Variants in KIF24 observed in about 807,000 individuals in gnomAD.
The protein encoded by KIF24 is kinesin family member 24.
Under a neutral mutation model 118.9 loss-of-function variants are expected in KIF24, and 81 were observed. The ratio of observed to expected loss-of-function variants is 0.68; its 90% CI spans 0.57 to 0.82. KIF24 has a LOEUF of 0.82. Among genes scored for constraint, KIF24 ranks in the 40% least tolerant of loss-of-function variants. The pLI, the probability that KIF24 is intolerant of heterozygous loss-of-function variation, is 0.00. For synonymous variants in KIF24, 599 were observed against 610.0 expected (o/e 0.98, Z 0.27); for missense variants, 1,560 against 1,661.6 (o/e 0.94, Z 1.06).
chr9:34,267,570 C>A (rs1379707484), intron 8 of KIF24, among the ~76,000 whole-genome samples: 3 of 151,614 alleles, frequency 2.0e-5, no homozygotes. Context: ...ATAGTCATAT[C>A]TTTTTTTAAA....
rs149053044 is a variant in KIF24 at position 34,256,173 on chromosome 9, C to G, written c.3434G>C (p.Ser1145Thr). ...IRQHPADKLPSREADLGEACQ... is the reference protein window; with the variant it reads ...IRQHPADKLPTREADLGEACQ... ...GGCCTCTCCTAGGTCTGCCTCCCTG[C>G]TGGGCAGCTTGTCAGCTGGGTGCTG... The change falls in exon 11 of 13, where the codon AGC (serine) becomes ACC (threonine). Residue 1145 changes from serine to threonine, a missense_variant. Transcript: ENST00000402558. 185 of 1,603,522 alleles carry G rather than the reference C, an allele frequency of 1.2e-4. No individual in the cohort carries two copies. The highest frequency in any genetic ancestry group is 8.4e-5 in the Admixed American group (5 of 59,424).
intron 1 of KIF24, among the ~76,000 whole-genome samples, chr9:34,323,459 T>C (rs943504343): frequency 1.3e-5 from 2 of 152,220 alleles, no homozygotes; most frequent in Non-Finnish European, 2.9e-5. Context: ...TCTCTAAATA[T>C]AGACATTTAA....
intron 8 of KIF24, among the ~76,000 whole-genome samples, chr9:34,265,114 T>C (rs1835238182): frequency 1.3e-5 from 2 of 152,202 alleles, no homozygotes; most frequent in Admixed American, 1.3e-4. Context: ...ACTATACTTC[T>C]TTGAATGTGG....
chr9:34,312,494 A>G (rs1249327458), intron 1 of KIF24, among the ~76,000 whole-genome samples: 1 of 152,198 alleles, frequency 6.6e-6, no homozygotes, highest in African/African-American at 2.4e-5. Flanking sequence ...AAATTCAGTT[A>G]GGTAACTAGT....
At chr9:34,293,476 T>C (rs1169477058) in intron 4 of KIF24, among the ~76,000 whole-genome samples, 3 of 22,364 alleles carry the variant, frequency 1.3e-4, no homozygotes, top group Admixed American at 6.0e-4. Flanking sequence ...AGACTCTATC[T>C]CAAAAAAAAA....
At chr9:34,267,549 C>A (rs1308716915) in intron 8 of KIF24, among the ~76,000 whole-genome samples, 1 of 151,640 alleles carries the variant, frequency 6.6e-6, no homozygotes, top group Non-Finnish European at 1.5e-5. Context: ...ATATGTAATT[C>A]TAAATTTCTA....
chr9:34,284,980 C>G (rs911666176), intron 6 of KIF24, among the ~76,000 whole-genome samples: 1 of 152,006 alleles, frequency 6.6e-6, no homozygotes, highest in South Asian at 2.1e-4. Flanking sequence ...GAAGGTTCAA[C>G]AGAAATCTAT....
chr9:34,315,537 G>A (rs1837303224), intron 1 of KIF24, among the ~76,000 whole-genome samples: 1 of 152,056 alleles, frequency 6.6e-6, no homozygotes, highest in African/African-American at 2.4e-5. Context: ...CGGCATTTAT[G>A]ACATACATAC....
chr9:34,257,340 T>C lies in KIF24; in HGVS notation c.2267A>G (p.His756Arg), dbSNP rs1398588500. ...ASEAWTNIPP[H>R]QKEREEHLRF... ...CAGATGTTCCTCCCTCTCCTTCTGA[T>C]GTGGCGGGATGTTTGTCCAAGCTTC... Residue 756 changes from histidine to arginine, a missense_variant, in exon 11 of 13, where the codon CAT (histidine) becomes CGT (arginine). His to Arg is a conservative substitution (Grantham distance 29). Around this residue, in one of 3 missense-constraint regions of KIF24, gnomAD observed 964 missense variants for 988.0 expected, o/e 0.98. Coordinates refer to ENST00000402558, the MANE Select transcript of KIF24 (RefSeq NM_194313.4). 1 of 1,613,942 alleles carries C rather than the reference T, an allele frequency of 6.2e-7. No individual in the cohort carries two copies. The highest frequency in any genetic ancestry group is 1.3e-5 in the African/African-American group (1 of 74,950).
intron 4 of KIF24, 111 bp downstream of exon 4, chr9:34,296,906 A>G (rs1836504665): frequency 1.8e-6 from 1 of 555,698 alleles, no homozygotes; most frequent in Non-Finnish European, 3.2e-6. Context: ...TCAAAACACA[A>G]ATTCATGTTT....
chr9:34,257,826 T>C lies in KIF24; in HGVS notation c.1781A>G (p.Gln594Arg), dbSNP rs1834916120. The change falls in exon 11 of 13, where the codon CAG (glutamine) becomes CGG (arginine). Residue 594 changes from glutamine to arginine, a missense_variant. Physicochemically the swap from Gln to Arg is conservative, Grantham distance 43. Coordinates refer to ENST00000402558, the MANE Select transcript of KIF24 (RefSeq NM_194313.4). ...SPKKVKLGFQ[Q>R]SLTVAAPGST... ...ACCAGGGGCTGCCACTGTGAGTGACTGCTGAAATCCCAGCTTGACTTTTTT... is the reference window on the plus strand; with the variant it reads ...ACCAGGGGCTGCCACTGTGAGTGACCGCTGAAATCCCAGCTTGACTTTTTT... 6.2e-7 allele frequency: 1 copy of C among 1,613,928 alleles called. No individual in the cohort carries two copies. The highest frequency in any genetic ancestry group is 8.5e-7 in the Non-Finnish European group (1 of 1,179,900).
intron 4 of KIF24, among the ~76,000 whole-genome samples, chr9:34,291,727 T>C (rs1468336349): frequency 6.6e-6 from 1 of 152,174 alleles, no homozygotes; most frequent in Non-Finnish European, 1.5e-5. Context: ...AACATAATCT[T>C]AGAGCTGTTG....
At chr9:34,269,513 G>A (rs945615230) in intron 7 of KIF24, among the ~76,000 whole-genome samples, 151 bp from the exon 8 acceptor site, 8 of 152,000 alleles carry the variant, frequency 5.3e-5, no homozygotes, top group South Asian at 4.1e-4. Context: ...TCTGCCTCCC[G>A]GGTTCACGCC....
intron 6 of KIF24, among the ~76,000 whole-genome samples, chr9:34,283,966 G>C (rs1324419940): frequency 6.6e-6 from 1 of 152,162 alleles, no homozygotes; most frequent in Non-Finnish European, 1.5e-5. Flanking sequence ...CTGGGAAACA[G>C]TCGGCAGCAT....
In KIF24 at chr9:34,308,907, C is replaced by T. The variant is rs979521674; in HGVS notation, c.623+1817G>A. 4.6e-5 allele frequency among the ~76,000 whole-genome samples: 7 copies of T among 151,842 alleles called. No homozygotes were observed. The East Asian group carries it at 1.4e-3, about 29-fold the overall frequency. ...CCAGCCTGGGTAACATAGTGAGATC[C>T]CCAACTCTACAAAAAATTGAAAAAT... On this transcript the variant is annotated intron_variant, in intron 2 of 12. Transcript: ENST00000402558.
chr9:34,311,795 C>T (rs971721137), intron 1 of KIF24, among the ~76,000 whole-genome samples: 2 of 128,024 alleles, frequency 1.6e-5, no homozygotes, highest in African/African-American at 5.8e-5. Flanking sequence ...TATACACACA[C>T]ATATATATAT....
rs528254075 is a variant in KIF24 at position 34,255,404 on chromosome 9, C to T, written c.3873-239G>A. On this transcript the variant is annotated intron_variant, in intron 11 of 12. Transcript: ENST00000402558. ...GAGACAGGGGCTTCCCAAGTTGTCT[C>T]CTGCCTCCCCAGCTGTACTGAGGGG... Among the ~76,000 whole-genome samples, 20 of 152,172 alleles carry T rather than the reference C, an allele frequency of 1.3e-4. 1 individual carries two copies. Among genetic ancestry groups the T allele is most frequent in the South Asian group, 1.0e-3 (5 of 4,796 alleles).
intron 1 of KIF24, among the ~76,000 whole-genome samples, chr9:34,314,217 G>A (rs1837265170): frequency 6.6e-6 from 1 of 152,096 alleles, no homozygotes; most frequent in African/African-American, 2.4e-5. Flanking sequence ...AGGCTGGAGT[G>A]CAGTGGTGCA....
rs537953191 is a variant in KIF24, at chr9:34,302,156, G to A, written c.813+4096C>T. On this transcript the variant is annotated intron_variant, in intron 3 of 12. Coordinates refer to ENST00000402558, the MANE Select transcript of KIF24 (RefSeq NM_194313.4). ...ACTACAGGCGCCTGCCACCATGCCT[G>A]ACTAATTTTTTGTATTTTTAGTAGA... Among the ~76,000 whole-genome samples, 32 of 151,152 alleles carry A rather than the reference G, an allele frequency of 2.1e-4. No individual in the cohort carries two copies. The East Asian group carries it at 6.0e-3, about 28-fold the overall frequency.
Sources: allele counts gnomAD v4.1 joint callset (sites outside exome capture counted in the v4.1 genomes callset), GRCh38; gene constraint gnomAD v4.1.1; regional missense constraint gnomAD v4.1.1; transcripts MANE v1.5; gene names NCBI Gene and HGNC (gene_info 2026-07-23, HGNC 2026-07-21).